HPGDS: variants seen among roughly 807,000 people sequenced by gnomAD.
HPGDS encodes the protein GST class-sigma.
Under a neutral mutation model 23.1 loss-of-function variants are expected in HPGDS, and 26 were observed. The ratio of observed to expected loss-of-function variants is 1.13; its 90% CI spans 0.83 to 1.56. The LOEUF (loss-of-function observed/expected upper bound fraction) is 1.56, where lower values mean the gene tolerates loss of function less well. Ranked by LOEUF, HPGDS falls within the 40% of genes most tolerant of loss-of-function variation. The pLI is 0.00. For synonymous variants in HPGDS, 95 were observed against 77.9 expected, an observed-to-expected ratio of 1.22 and a Z score of -1.16; for missense variants, 268 against 236.4, an observed-to-expected ratio of 1.13 and a Z score of -0.88.
intron 2 of HPGDS, among the ~76,000 whole-genome samples, chr4:94,331,766 C>A (rs1191607735): frequency 1.3e-5 from 2 of 152,140 alleles, no homozygotes; most frequent in Non-Finnish European, 2.9e-5. Context: ...TCTGGTCTAT[C>A]CTCCCCTGAG....
chr4:94,312,552 C>T (rs528567625), intron 3 of HPGDS, among the ~76,000 whole-genome samples: 3 of 152,314 alleles, frequency 2.0e-5, no homozygotes, highest in Admixed American at 2.0e-4. Flanking sequence ...GAGTGCTTTA[C>T]TTCCAACTAT....
intron 3 of HPGDS, among the ~76,000 whole-genome samples, chr4:94,314,794 G>A (rs1006092603): frequency 4.6e-5 from 7 of 152,150 alleles, no homozygotes; most frequent in African/African-American, 7.2e-5. Flanking sequence ...CACCCCTTTC[G>A]AGCTTCCTGG....
chr4:94,309,317 G>A (rs1756211515), intron 3 of HPGDS, among the ~76,000 whole-genome samples: 1 of 124,932 alleles, frequency 8.0e-6, no homozygotes, highest in Admixed American at 1.1e-4. Flanking sequence ...TCCCCTTCCT[G>A]TGTCCATGTG....
chr4:94,321,570 T>A (rs1465003768), intron 2 of HPGDS, among the ~76,000 whole-genome samples: 2 of 152,226 alleles, frequency 1.3e-5, no homozygotes, highest in African/African-American at 4.8e-5. Flanking sequence ...TGTTTGTCTG[T>A]TATTGGTGTA....
At position 94,299,518 on chromosome 4, in the gene HPGDS, C is replaced by A. The variant is rs779912724; in HGVS notation, c.562G>T (p.Ala188Ser). Residue 188 changes from alanine (A) to serine (S), a missense_variant, in exon 6 of 6, where the codon GCT becomes TCT. Physicochemically the swap from Ala to Ser is moderately conservative, Grantham distance 99. Transcript: ENST00000295256. ...TGGGGCCTTCGTTTTATCCAGTTAGCGACGGCAGGAATGGCTTGGACTTTC... is the reference window on the plus strand; with the variant it reads ...TGGGGCCTTCGTTTTATCCAGTTAGAGACGGCAGGAATGGCTTGGACTTTC... The part of the protein sequence containing the change: ...RKKVQAIPAV[A>S]NWIKRRPQTK... 1.2e-6 allele frequency: 2 copies of A among 1,613,364 alleles called. No individual in the cohort carries two copies.
chr4:94,337,060 A>T (rs1435181498), intron 1 of HPGDS, among the ~76,000 whole-genome samples: 2 of 151,964 alleles, frequency 1.3e-5, no homozygotes, highest in South Asian at 2.1e-4. Flanking sequence ...CGCCTCCTGG[A>T]TTCAAGCAAT....
intron 5 of HPGDS, among the ~76,000 whole-genome samples, chr4:94,301,766 C>A (rs1756044988): frequency 6.6e-6 from 1 of 151,998 alleles, no homozygotes; most frequent in Non-Finnish European, 1.5e-5. Flanking sequence ...TTGTTCTAAG[C>A]TAAGAGATAT....
At chr4:94,312,584 G>A (rs1560587066) in intron 3 of HPGDS, among the ~76,000 whole-genome samples, 1 of 152,222 alleles carries the variant, frequency 6.6e-6, no homozygotes, top group Non-Finnish European at 1.5e-5. Context: ...TGGAGTAAGT[G>A]TGGTGTGGTG....
intron 4 of HPGDS, among the ~76,000 whole-genome samples, chr4:94,306,600 G>A (rs1756143081): frequency 6.6e-6 from 1 of 152,050 alleles, no homozygotes; most frequent in Admixed American, 6.6e-5. Context: ...GAGGATTGGT[G>A]GAAAACTATT....
Position 94,312,239 on chromosome 4 carries a change from G to T in HPGDS, c.227-3496C>A, listed in dbSNP as rs537299915. 4.6e-5 allele frequency among the ~76,000 whole-genome samples: 7 copies of T among 151,876 alleles called. 1 individual carries two copies. The highest frequency in any genetic ancestry group is 1.0e-4 in the Non-Finnish European group (7 of 67,972). On this transcript the variant is annotated intron_variant, in intron 3 of 5. Coordinates refer to ENST00000295256, the MANE Select transcript of HPGDS (RefSeq NM_014485.3). Reference sequence around the variant, plus strand: ...CTTTTAATTGTGATGTTAGGGTGTCGATTTTAGATCTTTCCTGCTTTCTCT... The same window carrying T: ...CTTTTAATTGTGATGTTAGGGTGTCTATTTTAGATCTTTCCTGCTTTCTCT...
At chr4:94,300,802 AG>A (rs1756025694) in intron 5 of HPGDS, among the ~76,000 whole-genome samples, 1 of 152,192 alleles carries the variant, frequency 6.6e-6, no homozygotes, top group Admixed American at 6.5e-5. Flanking sequence ...ACGTAAGCCC[AG>A]GCTTAAATAT....
chr4:94,321,963 T>C, intron 2 of HPGDS, among the ~76,000 whole-genome samples: 1 of 152,220 alleles, frequency 6.6e-6, no homozygotes, highest in East Asian at 1.9e-4. Flanking sequence ...ATTGAGAGTT[T>C]TTAGCATGAA....
chr4:94,302,309 A>C lies in HPGDS; in HGVS notation c.337-65T>G, dbSNP rs1445822121. ...AGAAAAGTAACATGATCTGAGGAGG[A>C]AGTAGATTTCTCCATCTTTATTCTC... On this transcript the variant is annotated intron_variant, in intron 4 of 5. Transcript: ENST00000295256. The C allele has an allele frequency of 4.5e-6, 5 of 1,105,410 alleles. No homozygotes were observed. In the East Asian group the frequency reaches 9.7e-5, roughly 21 times the overall value. The allele number at this position is 1,105,410 out of a possible 1,614,324, so 68.5% of individuals were successfully genotyped here.
chr4:94,301,879 A>T (rs776673949), intron 5 of HPGDS, among the ~76,000 whole-genome samples: 62 of 151,908 alleles, frequency 4.1e-4, no homozygotes, highest in Non-Finnish European at 6.8e-4. Context: ...TTCTCTATGC[A>T]CCTCTTTTGC....
Position 94,334,641 on chromosome 4 carries a change from G to A in HPGDS, c.-9-3C>T. ...TTGTAGTTTGGCATGGTGCAATTCT[G>A]GAAAAAGAAAAAGGGAGGGATTATT... On this transcript the variant is annotated splice_region_variant and splice_polypyrimidine_tract_variant and intron_variant, in intron 1 of 5. Coordinates refer to ENST00000295256, the MANE Select transcript of HPGDS (RefSeq NM_014485.3). The A allele has an allele frequency of 3.1e-6, 5 of 1,596,414 alleles. No homozygotes were observed. Among genetic ancestry groups the A allele is most frequent in the South Asian group, 2.3e-5 (2 of 87,304 alleles).
Position 94,299,501 on chromosome 4 carries a change from T to TC in HPGDS, c.578dup (p.Arg194LysfsTer35). On this transcript the variant is annotated frameshift_variant, in exon 6 of 6. Transcript: ENST00000295256. LOFTEE classifies it high-confidence loss of function. ...TCAGCTAGAGTTTGGTTTGGGGCCT[T>TC]CGTTTTATCCAGTTAGCGACGGCAG... 6.2e-7 allele frequency: 1 copy of TC among 1,612,204 alleles called. No homozygotes were observed. Among genetic ancestry groups the TC allele is most frequent in the Admixed American group, 1.7e-5 (1 of 59,884 alleles).
Position 94,308,742 on chromosome 4 carries a change from A to G in HPGDS, c.228T>C (p.Asp76=), listed in dbSNP as rs1203633266. Residue 76 remains aspartate, a splice_region_variant and synonymous_variant, in exon 4 of 6, where the codon GAT becomes GAC. Coordinates refer to ENST00000295256, the MANE Select transcript of HPGDS (RefSeq NM_014485.3). Reference sequence around the variant, plus strand: ...GTTCCATTTCTGTGTTTCCAGCCAAATCTGTGGAATAGAGAGAGGCCCATC... The same window carrying G: ...GTTCCATTTCTGTGTTTCCAGCCAAGTCTGTGGAATAGAGAGAGGCCCATC... ...AIARYLTKNT[D]LAGNTEMEQC... The G allele has an allele frequency of 9.7e-6, 15 of 1,539,476 alleles. No homozygotes were observed. In the Middle Eastern group the frequency reaches 1.7e-3, roughly 173 times the overall value.
intron 3 of HPGDS, among the ~76,000 whole-genome samples, chr4:94,317,522 T>A (rs1307116255): frequency 2.0e-5 from 3 of 152,186 alleles, no homozygotes; most frequent in African/African-American, 7.2e-5. Context: ...ATATGCCATA[T>A]GTATTTTCTG....
intron 3 of HPGDS, among the ~76,000 whole-genome samples, chr4:94,314,197 T>G (rs2126038865): frequency 6.6e-6 from 1 of 152,332 alleles, no homozygotes; most frequent in Non-Finnish European, 1.5e-5. Context: ...TGCGTTCCTT[T>G]GGAGGAGGAG....
Sources: gnomAD v4.1 joint callset for allele counts (sites outside exome capture counted in the v4.1 genomes callset) on GRCh38, gnomAD v4.1.1 for gene constraint, MANE v1.5 for transcripts, NCBI Gene and HGNC (gene_info 2026-07-23, HGNC 2026-07-21) for gene names.